The following AMPD3 variants were observed in gnomAD, a reference collection of about 807,000 sequenced individuals.
The protein encoded by AMPD3 is AMP deaminase 3.
AMPD3 carries 57 observed loss-of-function variants against 82.3 expected under a neutral mutation model. The ratio of observed to expected loss-of-function variants is 0.69; its 90% confidence interval spans 0.56 to 0.86. The LOEUF (loss-of-function observed/expected upper bound fraction) is 0.86. AMPD3 is among the 40% of genes least tolerant of loss of function. The pLI is 0.00. For synonymous variants in AMPD3, 381 were observed against 394.7 expected (o/e 0.97, Z 0.41); for missense variants, 870 against 1,003.8 (o/e 0.87, Z 1.80).
chr11:10,452,236 C>G (rs1236891003), upstream of AMPD3, among the ~76,000 whole-genome samples: 1 of 151,864 alleles, frequency 6.6e-6, no homozygotes, highest in African/African-American at 2.4e-5. Context: ...GCCTCAAAAT[C>G]TGTCTCAGGT....
intron 2 of AMPD3, among the ~76,000 whole-genome samples, chr11:10,469,236 AAT>A (rs558060398): frequency 2.0e-4 from 30 of 152,172 alleles, no homozygotes; most frequent in African/African-American, 5.1e-4. Context: ...CAATGAAATA[AAT>A]AGACTGCTAG....
At chr11:10,488,191 A>G (rs895679588) in intron 6 of AMPD3, 10 of 985,248 alleles carry the variant, frequency 1.0e-5, no homozygotes, top group African/African-American at 1.7e-5. Context: ...CAACTGCGGT[A>G]GGAGCGAAGG....
chr11:10,505,875 G>T lies in AMPD3; in HGVS notation c.2295G>T (p.Leu765Phe). 6.2e-7 allele frequency: 1 copy of T among 1,614,136 alleles called. No individual in the cohort carries two copies. Among genetic ancestry groups the T allele is most frequent in the South Asian group, 1.1e-5 (1 of 91,066 alleles). The change falls in exon 15 of 15, where the codon TTG becomes TTT. Residue 765 changes from leucine to phenylalanine, a missense_variant. Transcript: ENST00000396553. ...DAMKSEEITA[L>F]TN ...TGAAATCAGAAGAGATCACCGCCTTGACCAACTAGGTCCAGCATTTGACAT... is the reference window on the plus strand; with the variant it reads ...TGAAATCAGAAGAGATCACCGCCTTTACCAACTAGGTCCAGCATTTGACAT...
intron 14 of AMPD3, 61 bp from the exon 15 acceptor site, chr11:10,505,647 C>T (rs779064104): frequency 8.5e-5 from 136 of 1,592,518 alleles, no homozygotes; most frequent in Non-Finnish European, 1.1e-4. Context: ...AAGCTGCCCA[C>T]ATGGCTATAG....
chr11:10,504,511 C>G (rs773058012), intron 13 of AMPD3, 38 bp from the exon 14 acceptor site: 3 of 1,574,652 alleles, frequency 1.9e-6, no homozygotes, highest in African/African-American at 2.7e-5. Context: ...ACATGGATAT[C>G]CCCCCTTCTA....
chr11:10,452,420 T>C (rs1192866775), upstream of AMPD3, among the ~76,000 whole-genome samples: 1 of 152,140 alleles, frequency 6.6e-6, no homozygotes, highest in Non-Finnish European at 1.5e-5. Flanking sequence ...TTTGGGCTTT[T>C]GATTTGTAAG....
intron 2 of AMPD3, among the ~76,000 whole-genome samples, chr11:10,472,669 G>A (rs1404048084): frequency 6.6e-6 from 1 of 152,170 alleles, no homozygotes; most frequent in African/African-American, 2.4e-5. Context: ...ATTGACAAAG[G>A]AGCTTCATTT....
chr11:10,500,450 C>T (rs3741037), intron 11 of AMPD3: 260,610 of 539,076 alleles, frequency 0.48, 63,922 homozygotes, highest in East Asian at 0.66. Context: ...TGATCACACA[C>T]ATGCAAACAT....
Position 10,456,445 on chromosome 11 carries a change from G to A in AMPD3, c.-6+997G>A. ...TGCAAGGGGAGTCTGGCAAGAGTAG[G>A]AACCAGCTTCCTTCGTATAACGAGG... On this transcript the variant is annotated intron_variant, in intron 1 of 14. Transcript: ENST00000396553. The surrounding 1 kb of genome is among the most constrained non-coding windows in gnomAD (Gnocchi z 4.3). 2 of 1,613,788 alleles carry A rather than the reference G, an allele frequency of 1.2e-6. No individual in the cohort carries two copies. The highest frequency in any genetic ancestry group is 8.5e-7 in the Non-Finnish European group (1 of 1,179,708).
At chr11:10,472,994 ACT>A (rs1406801157) in intron 2 of AMPD3, among the ~76,000 whole-genome samples, 2 of 150,634 alleles carry the variant, frequency 1.3e-5, no homozygotes, top group Non-Finnish European at 2.9e-5. Context: ...AGGGAGGGAG[ACT>A]CTGTCTTGAA....
At chr11:10,487,444 C>A in intron 6 of AMPD3, 80 bp downstream of exon 6, 1 of 1,597,324 alleles carries the variant, frequency 6.3e-7, no homozygotes, top group Non-Finnish European at 8.6e-7. Flanking sequence ...CAGTCTGAGG[C>A]TTGTCCCCTG....
At chr11:10,487,077 C>G (rs909840217) in intron 5 of AMPD3, 158 bp from the exon 6 acceptor site, 2 of 958,862 alleles carry the variant, frequency 2.1e-6, no homozygotes, top group African/African-American at 1.8e-5. Flanking sequence ...TATGACTCAA[C>G]AGTTCAGCAG....
chr11:10,463,775 T>C (rs938935531), intron 2 of AMPD3, among the ~76,000 whole-genome samples: 1 of 152,178 alleles, frequency 6.6e-6, no homozygotes, highest in Admixed American at 6.5e-5. Context: ...CCTGCAAACT[T>C]CTCTCCAAAA....
intron 13 of AMPD3, among the ~76,000 whole-genome samples, chr11:10,503,680 A>AT (rs537956782): frequency 1.6e-4 from 25 of 152,114 alleles, no homozygotes; most frequent in African/African-American, 3.1e-4. Context: ...CATAATAATG[A>AT]TTTTTTTTCT....
At chr11:10,497,301 T>A (rs1041807474) in intron 10 of AMPD3, among the ~76,000 whole-genome samples, 2 of 151,456 alleles carry the variant, frequency 1.3e-5, no homozygotes, top group African/African-American at 4.9e-5. Flanking sequence ...GGTTTTTTTT[T>A]CGGAAATGCA....
intron 11 of AMPD3, chr11:10,500,725 T>C: frequency 1.0e-6 from 1 of 985,326 alleles, no homozygotes; most frequent in Non-Finnish European, 1.2e-6. Flanking sequence ...CCCTGGGCAC[T>C]GGACAAATAA....
intron 7 of AMPD3, 30 bp downstream of exon 7, chr11:10,493,573 G>A: frequency 1.9e-6 from 3 of 1,609,926 alleles, no homozygotes; most frequent in Non-Finnish European, 2.5e-6. Flanking sequence ...AGTGCCGCCA[G>A]CAGACAGCAG....
chr11:10,450,698 C>G, upstream of AMPD3: 1 of 1,069,390 alleles, frequency 9.4e-7, no homozygotes, highest in Non-Finnish European at 1.1e-6. Flanking sequence ...CTCAAGTTTC[C>G]CGTTGGCGGC....
rs911477798 is a variant in AMPD3 at position 10,501,890 on chromosome 11, G to A, written c.1842+300G>A. On this transcript the variant is annotated intron_variant, in intron 12 of 14. Coordinates refer to ENST00000396553, the MANE Select transcript of AMPD3 (RefSeq NM_001025389.2). The stretch of plus-strand genomic sequence containing the variant: ...TTTATCCACAGCATATTTTTAATGT[G>A]TTTATTATCATAATGAACACAGAAT... 13 of 984,130 alleles carry A rather than the reference G, an allele frequency of 1.3e-5. No individual in the cohort carries two copies. The African/African-American group carries it at 2.3e-4, about 17-fold the overall frequency. 61.0% of individuals were successfully genotyped at this position (984,130 alleles called of 1,614,324 possible). A position where few individuals can be genotyped will look rare whatever the true frequency, so the allele number is the denominator to read the frequency against.
Sources: allele counts gnomAD v4.1 joint callset (sites outside exome capture counted in the v4.1 genomes callset), GRCh38; gene constraint gnomAD v4.1.1; non-coding constraint Gnocchi (gnomAD v3.1); transcripts MANE v1.5; gene names NCBI Gene and HGNC (gene_info 2026-07-23, HGNC 2026-07-21).